CFAP47: variants seen among roughly 807,000 people sequenced by gnomAD.
The protein encoded by CFAP47 is cilia and flagella associated protein 47.
Under a neutral mutation model 148.1 loss-of-function variants are expected in CFAP47, and 29 were observed. That is an observed-to-expected ratio of 0.20 (90% CI 0.15 to 0.27). The LOEUF (loss-of-function observed/expected upper bound fraction) is 0.27. Among genes scored for constraint, CFAP47 ranks in the 10% least tolerant of loss-of-function variants. CFAP47 has a pLI of 1.00. For missense variants in CFAP47, 1,872 were observed against 1,697.5 expected (o/e 1.10, Z -1.81); for synonymous variants, 664 against 577.3 (o/e 1.15, Z -2.15).
At position 36,070,951 on chromosome X, in the gene CFAP47, T is replaced by A. The variant is rs1176088583; in HGVS notation, c.4319-874T>A. ...TGCATAAACCACCCCTTAATCTGCA[T>A]GCAATTAAAAATGGGAATAAATATG... On this transcript the variant is annotated intron_variant, in intron 27 of 63. Transcript: ENST00000378653. 7.1e-5 allele frequency among the ~76,000 whole-genome samples: 8 copies of A among 112,318 alleles called. No individual in the cohort carries two copies. In the Admixed American group the frequency reaches 7.5e-4, roughly 11 times the overall value.
chrX:35,939,096 T>C (rs1032348063), intron 2 of CFAP47, among the ~76,000 whole-genome samples: 1 of 110,969 alleles, frequency 9.0e-6, no homozygotes, highest in African/African-American at 3.3e-5. Flanking sequence ...TAGACCTCTT[T>C]GTTCTATTTG....
intron 42 of CFAP47, among the ~76,000 whole-genome samples, chrX:36,197,116 G>C (rs949220218): frequency 1.3e-4 from 15 of 111,553 alleles, no homozygotes; most frequent in African/African-American, 4.9e-4. Context: ...AGAATATATT[G>C]ATATTGAACA....
intron 49 of CFAP47, among the ~76,000 whole-genome samples, chrX:36,258,438 C>T (rs1400138559): frequency 9.0e-6 from 1 of 111,017 alleles, no homozygotes; most frequent in Non-Finnish European, 1.9e-5. Flanking sequence ...TATTTTTATT[C>T]TGGAATATAA....
At chrX:35,965,838 G>A (rs961974624) in intron 8 of CFAP47, among the ~76,000 whole-genome samples, 2 of 110,881 alleles carry the variant, frequency 1.8e-5, no homozygotes, top group Non-Finnish European at 3.8e-5. Context: ...ACACACAGTT[G>A]CAAGGCTGTT....
intron 15 of CFAP47, among the ~76,000 whole-genome samples, chrX:35,979,675 A>G (rs1394989202): frequency 1.8e-5 from 2 of 112,039 alleles, no homozygotes; most frequent in Non-Finnish European, 3.8e-5. Flanking sequence ...CCTCAGTTCA[A>G]AAGTATCTCA....
intron 33 of CFAP47, among the ~76,000 whole-genome samples, chrX:36,106,905 G>A (rs946711460): frequency 7.2e-5 from 8 of 111,475 alleles, no homozygotes; most frequent in Non-Finnish European, 1.5e-4. Context: ...ATGAATACAT[G>A]TCATTATACA....
At chrX:36,169,450 T>C (rs1939538067) in intron 39 of CFAP47, among the ~76,000 whole-genome samples, 1 of 111,195 alleles carries the variant, frequency 9.0e-6, no homozygotes, top group East Asian at 2.8e-4. Context: ...TTAGTTTTTC[T>C]TTATTATTTT....
At chrX:35,946,762 T>C (rs1016705736) in intron 3 of CFAP47, among the ~76,000 whole-genome samples, 1 of 111,849 alleles carries the variant, frequency 8.9e-6, no homozygotes, top group African/African-American at 3.3e-5. Context: ...AACTGTTTAT[T>C]TTAGCACCAT....
chrX:36,000,641 A>G (rs1204535977), intron 20 of CFAP47, among the ~76,000 whole-genome samples: 1 of 111,729 alleles, frequency 9.0e-6, no homozygotes, highest in African/African-American at 3.3e-5. Flanking sequence ...AATACATGAA[A>G]CGTAACCGTT....
intron 58 of CFAP47, among the ~76,000 whole-genome samples, 159 bp downstream of exon 58, chrX:36,348,447 T>C (rs782796750): frequency 6.3e-4 from 70 of 110,654 alleles, no homozygotes; most frequent in Non-Finnish European, 1.2e-3. Context: ...GAAAATATAT[T>C]TGTCATGTGG....
At chrX:36,230,565 G>T (rs1393013755) in intron 46 of CFAP47, among the ~76,000 whole-genome samples, 1 of 104,157 alleles carries the variant, frequency 9.6e-6, no homozygotes, top group African/African-American at 3.8e-5. Context: ...TAGGTTGCCT[G>T]TTCACTCTGA....
chrX:36,287,829 A>G (rs1378384837), intron 51 of CFAP47, among the ~76,000 whole-genome samples: 1 of 111,892 alleles, frequency 8.9e-6, no homozygotes, highest in Non-Finnish European at 1.9e-5. Context: ...TTTACTAGAG[A>G]TAGTATGATC....
Position 36,000,533 on chromosome X carries a change from A to G in CFAP47, c.3322+106A>G, listed in dbSNP as rs1194232138. On this transcript the variant is annotated intron_variant, in intron 20 of 63. Transcript: ENST00000378653. ...TTCAATCAAGGGAAGTTCTTCTTAA[A>G]TGTTTTTAATGACCACTGCATGTTT... 39 of 265,802 alleles carry G rather than the reference A, an allele frequency of 1.5e-4. No homozygotes were observed. The Admixed American group carries it at 2.4e-3, about 16-fold the overall frequency. 21.9% of individuals were successfully genotyped at this position (265,802 alleles called of 1,213,427 possible).
chrX:36,279,977 T>TACAG (rs1306927313), intron 49 of CFAP47, among the ~76,000 whole-genome samples: 1 of 111,440 alleles, frequency 9.0e-6, no homozygotes, highest in Non-Finnish European at 1.9e-5. Context: ...GTGCTGGGAT[T>TACAG]ACAGGCATGA....
At chrX:36,018,729 C>A (rs748587100) in intron 22 of CFAP47, among the ~76,000 whole-genome samples, 148 of 110,996 alleles carry the variant, frequency 1.3e-3, no homozygotes, top group Non-Finnish European at 2.2e-3. Context: ...TAATATATTG[C>A]TGAATTTGAT....
At chrX:36,154,505 T>C (rs1212039381) in intron 37 of CFAP47, among the ~76,000 whole-genome samples, 2 of 112,531 alleles carry the variant, frequency 1.8e-5, no homozygotes, top group African/African-American at 6.4e-5. Context: ...CTAAGAATGT[T>C]AAACCTTTCT....
chrX:36,235,391 C>T (rs190071769), intron 46 of CFAP47, among the ~76,000 whole-genome samples: 6 of 112,248 alleles, frequency 5.3e-5, no homozygotes, highest in South Asian at 7.4e-4. Context: ...TAGCAATCAG[C>T]GAGACTCCGT....
chrX:36,104,744 A>G, intron 33 of CFAP47, 53 bp downstream of exon 33: 2 of 446,863 alleles, frequency 4.5e-6, no homozygotes, highest in Non-Finnish European at 7.6e-6. Context: ...TAGTGTGATG[A>G]TGGAGAAGGA....
chrX:36,315,156 A>G (rs1332890187), intron 56 of CFAP47, among the ~76,000 whole-genome samples: 2 of 112,432 alleles, frequency 1.8e-5, no homozygotes, highest in Non-Finnish European at 3.8e-5. Flanking sequence ...GCTTACCTGT[A>G]TTCCTGATAT....
Sources: allele counts gnomAD v4.1 joint callset (sites outside exome capture counted in the v4.1 genomes callset), GRCh38; gene constraint gnomAD v4.1.1; transcripts MANE v1.5; gene names NCBI Gene and HGNC (gene_info 2026-07-23, HGNC 2026-07-21).